FABP3: variants seen among roughly 807,000 people sequenced by gnomAD.
FABP3 encodes fatty acid-binding protein, heart.
In FABP3, 8 loss-of-function variants were observed where a neutral mutation model predicts 13.4. The observed-to-expected ratio is 0.60, with a 90% CI of 0.35 to 1.07. The LOEUF (loss-of-function observed/expected upper bound fraction) is 1.07, where lower values mean the gene tolerates loss of function less well. Among genes scored for constraint, FABP3 ranks in the 50% least tolerant of loss-of-function variants. FABP3 has a pLI of 0.02. For synonymous variants in FABP3, 64 were observed against 60.0 expected (o/e 1.07, Z -0.31); for missense variants, 135 against 164.7 (o/e 0.82, Z 0.99).
intron 3 of FABP3, 123 bp from the exon 4 acceptor site, chr1:31,366,062 ATGTGTGTGTGTGTGTGTGTGTG>A (rs3049341): frequency 1.6e-5 from 9 of 575,846 alleles, no homozygotes; most frequent in Admixed American, 4.8e-5. Flanking sequence ...ATATGTATGT[ATGTGTGTGTGTGTGTGTGTGTG>A]TGTGTGTGTG....
downstream of FABP3, among the ~76,000 whole-genome samples, chr1:31,361,486 T>C (rs767091799): frequency 1.4e-4 from 21 of 152,256 alleles, no homozygotes; most frequent in Non-Finnish European, 2.1e-4. Context: ...TCAAAAAAGT[T>C]AAATCCCTTG....
Position 31,373,023 on chromosome 1 carries a change from T to C in FABP3, c.-9A>G. On this transcript the variant is annotated 5_prime_UTR_variant, in exon 1 of 4. Coordinates refer to ENST00000373713, the MANE Select transcript of FABP3 (RefSeq NM_004102.5). The stretch of plus-strand genomic sequence containing the variant: ...AGGAAAGCGTCCACCATAGTGATGC[T>C]GGGCTAGGCTGAGAGAAGCTACAAG... 1.2e-6 allele frequency: 2 copies of C among 1,613,868 alleles called. No individual in the cohort carries two copies. Among genetic ancestry groups the C allele is most frequent in the Non-Finnish European group, 1.7e-6 (2 of 1,179,962 alleles).
chr1:31,367,552 G>A (rs1010628242), intron 2 of FABP3, 58 bp from the exon 3 acceptor site: 2 of 1,443,260 alleles, frequency 1.4e-6, no homozygotes, highest in African/African-American at 2.8e-5. Flanking sequence ...GAGGGGCAGG[G>A]TGGGGTCTGG....
In FABP3 at chr1:31,365,739, A is replaced by C; in HGVS notation, c.*147T>G. ...AAAAAAAAACCACATACACCATGGG[A>C]ACTGGAACTGGATCCCGGTCAGTGG... On this transcript the variant is annotated 3_prime_UTR_variant, in exon 4 of 4. Coordinates refer to ENST00000373713, the MANE Select transcript of FABP3 (RefSeq NM_004102.5). 1 of 684,322 alleles carries C rather than the reference A, an allele frequency of 1.5e-6. No homozygotes were observed. 42.4% of individuals were successfully genotyped at this position (684,322 alleles called of 1,614,324 possible). A position where few individuals can be genotyped will look rare whatever the true frequency, so the allele number is the denominator to read the frequency against.
At chr1:31,359,975 A>G in the FABP3 span, among the ~76,000 whole-genome samples, 3 of 145,986 alleles carry the variant, frequency 2.1e-5, no homozygotes, top group Admixed American at 2.0e-4. Context: ...TTGCTTTTGA[A>G]CTACAACCTT....
chr1:31,369,654 G>T, intron 1 of FABP3, 97 bp from the exon 2 acceptor site: 1 of 1,130,150 alleles, frequency 8.8e-7, no homozygotes, highest in Non-Finnish European at 1.3e-6. Flanking sequence ...GTATGGGGAA[G>T]TGGAGGACTG....
downstream of FABP3, among the ~76,000 whole-genome samples, chr1:31,360,265 G>A (rs551469700): frequency 5.3e-5 from 8 of 152,218 alleles, no homozygotes; most frequent in Admixed American, 3.9e-4. Flanking sequence ...CGCCTCCCAC[G>A]CTCAAGCGAT....
At chr1:31,360,645 A>G (rs559859370), downstream of FABP3, among the ~76,000 whole-genome samples, 13 of 152,318 alleles carry the variant, frequency 8.5e-5, no homozygotes, top group African/African-American at 2.9e-4. Flanking sequence ...CTTGCTAGCT[A>G]GAGTCCATGT....
intron 2 of FABP3, 155 bp downstream of exon 2, chr1:31,369,230 T>C: frequency 1.3e-6 from 1 of 786,824 alleles, no homozygotes; most frequent in African/African-American, 1.7e-5. Context: ...TCAGTGGCAT[T>C]CCAGCACTAC....
At chr1:31,360,418 C>T (rs1057339464), downstream of FABP3, among the ~76,000 whole-genome samples, 1 of 152,238 alleles carries the variant, frequency 6.6e-6, no homozygotes, top group Non-Finnish European at 1.5e-5. Flanking sequence ...ATCCACCCAC[C>T]TTGGCCTCCC....
At chr1:31,360,423 C>G (rs915700385), downstream of FABP3, among the ~76,000 whole-genome samples, 1 of 152,244 alleles carries the variant, frequency 6.6e-6, no homozygotes, top group Non-Finnish European at 1.5e-5. Context: ...CCCACCTTGG[C>G]CTCCCAAAGT....
At chr1:31,360,777 G>A (rs1639855614), downstream of FABP3, among the ~76,000 whole-genome samples, 1 of 152,188 alleles carries the variant, frequency 6.6e-6, no homozygotes, top group African/African-American at 2.4e-5. Flanking sequence ...TAGTGGTTTT[G>A]CCGCTTTAGC....
chr1:31,367,578 GC>G, intron 2 of FABP3, 84 bp from the exon 3 acceptor site: 1 of 1,192,460 alleles, frequency 8.4e-7, no homozygotes, highest in Non-Finnish European at 1.3e-6. Context: ...GGGCCACAGA[GC>G]ACACAGCCTT....
intron 1 of FABP3, 66 bp downstream of exon 1, chr1:31,372,876 G>A: frequency 6.8e-7 from 1 of 1,464,326 alleles, no homozygotes; most frequent in South Asian, 1.1e-5. Flanking sequence ...CAGGAGTGCT[G>A]CGTGGGGCTA....
chr1:31,362,711 T>C (rs1189344667), downstream of FABP3, among the ~76,000 whole-genome samples: 2 of 152,246 alleles, frequency 1.3e-5, no homozygotes, highest in Non-Finnish European at 2.9e-5. Flanking sequence ...AGAATAGCAG[T>C]CAGGAGTTCT....
In FABP3 at chr1:31,372,882, G is replaced by C. The variant is rs988855094; in HGVS notation, c.73+60C>G. On this transcript the variant is annotated intron_variant, in intron 1 of 3. Coordinates refer to ENST00000373713, the MANE Select transcript of FABP3 (RefSeq NM_004102.5). ...GGGATGCGGCAGGAGTGCTGCGTGG[G>C]GCTAGGCACGCCACCAGCCAGTCCC... 24 of 1,511,850 alleles carry C rather than the reference G, an allele frequency of 1.6e-5. 1 individual carries two copies. The highest frequency in any genetic ancestry group is 1.7e-4 in the Middle Eastern group (1 of 5,912). 93.7% of individuals were successfully genotyped at this position (1,511,850 alleles called of 1,614,324 possible).
At position 31,372,931 on chromosome 1, in the gene FABP3, G is replaced by A; in HGVS notation, c.73+11C>T. 1 of 1,612,406 alleles carries A rather than the reference G, an allele frequency of 6.2e-7. No individual in the cohort carries two copies. Among genetic ancestry groups the A allele is most frequent in the Non-Finnish European group, 8.5e-7 (1 of 1,179,830 alleles). ...CCCAAGCCAACATCCTGAGCCCCGC[G>A]GCTTGCTCACCGAGTGACTTCATGT... is the stretch of plus-strand genomic sequence containing the variant. On this transcript the variant is annotated intron_variant, in intron 1 of 3. Transcript: ENST00000373713.
At chr1:31,363,698 C>CTG (rs1468333687), downstream of FABP3, among the ~76,000 whole-genome samples, 4 of 152,146 alleles carry the variant, frequency 2.6e-5, no homozygotes, top group Non-Finnish European at 4.4e-5. Context: ...GGGAGGATTG[C>CTG]TTGAGCCCAA....
chr1:31,367,634 C>A, intron 2 of FABP3, 140 bp from the exon 3 acceptor site: 1 of 700,538 alleles, frequency 1.4e-6, no homozygotes, highest in Non-Finnish European at 2.6e-6. Context: ...TCAGGCAATC[C>A]GCCTCCCAGC....
Sources: gnomAD v4.1 joint callset for allele counts (sites outside exome capture counted in the v4.1 genomes callset) on GRCh38, gnomAD v4.1.1 for gene constraint, MANE v1.5 for transcripts, NCBI Gene and HGNC (gene_info 2026-07-23, HGNC 2026-07-21) for gene names.